The following EIPR1 variants were observed in gnomAD, a reference collection of about 807,000 sequenced individuals.
EIPR1 encodes the protein EARP and GARP complex-interacting protein 1.
In EIPR1, 25 loss-of-function variants were observed where a neutral mutation model predicts 48.1. That is an observed-to-expected ratio of 0.52 (90% confidence interval 0.38 to 0.73). The LOEUF is 0.73. Ranked by LOEUF, EIPR1 falls within the 30% of genes least tolerant of loss-of-function variation. The pLI is 0.00. For missense variants in EIPR1, 415 were observed against 506.2 expected (o/e 0.82, Z 1.73); for synonymous variants, 204 against 201.9 (o/e 1.01, Z -0.09).
At chr2:3,197,886 C>T (rs1664864315) in intron 5 of EIPR1, among the ~76,000 whole-genome samples, 1 of 152,210 alleles carries the variant, frequency 6.6e-6, no homozygotes, top group Non-Finnish European at 1.5e-5. Flanking sequence ...AGGCAGGTGG[C>T]TGGTGAGGCG....
In EIPR1 at chr2:3,203,532, G is replaced by A. The variant is rs1665120708; in HGVS notation, c.517-6515C>T. Among the ~76,000 whole-genome samples the A allele has an allele frequency of 3.3e-5, 5 of 152,260 alleles. 1 individual carries two copies. In the South Asian group the frequency reaches 1.0e-3, roughly 31 times the overall value. On this transcript the variant is annotated intron_variant, in intron 5 of 8. Transcript: ENST00000382125. ...AGTCGGACAGGAGAGCCCGCAGTCGGGGCGCCTCCTCCAGCTGGAGGGTAG... is the reference window on the plus strand; with the variant it reads ...AGTCGGACAGGAGAGCCCGCAGTCGAGGCGCCTCCTCCAGCTGGAGGGTAG...
intron 3 of EIPR1, among the ~76,000 whole-genome samples, chr2:3,309,393 A>G (rs1297320482): frequency 6.6e-6 from 1 of 152,230 alleles, no homozygotes; most frequent in African/African-American, 2.4e-5. Context: ...AGTATTAAAA[A>G]ACGTTCACAT....
chr2:3,203,778 T>C (rs911556871), intron 5 of EIPR1, among the ~76,000 whole-genome samples: 2 of 152,202 alleles, frequency 1.3e-5, no homozygotes, highest in African/African-American at 4.8e-5. Context: ...TTCATCTTGC[T>C]GGCTGGGATG....
chr2:3,216,855 T>C (rs892097951), intron 4 of EIPR1, among the ~76,000 whole-genome samples: 1 of 152,226 alleles, frequency 6.6e-6, no homozygotes, highest in African/African-American at 2.4e-5. Flanking sequence ...TATTTTAAAA[T>C]AAATTTAGTT....
chr2:3,241,116 T>C (rs1666605711), intron 4 of EIPR1, among the ~76,000 whole-genome samples: 1 of 148,858 alleles, frequency 6.7e-6, no homozygotes, highest in Non-Finnish European at 1.5e-5. Flanking sequence ...AGATCCTTCC[T>C]AAAGAAAAGC....
intron 3 of EIPR1, among the ~76,000 whole-genome samples, chr2:3,300,241 C>T (rs796870687): frequency 5.9e-5 from 9 of 152,354 alleles, no homozygotes; most frequent in African/African-American, 2.2e-4. Flanking sequence ...GATGTCAAAA[C>T]TCCAAAATTC....
intron 3 of EIPR1, among the ~76,000 whole-genome samples, chr2:3,260,056 C>T (rs774638012): frequency 1.3e-5 from 2 of 152,290 alleles, no homozygotes; most frequent in South Asian, 2.1e-4. Flanking sequence ...CTGGATCATA[C>T]AGAAAAAGAC....
intron 3 of EIPR1, among the ~76,000 whole-genome samples, chr2:3,284,466 T>C (rs1668116600): frequency 6.6e-6 from 1 of 152,232 alleles, no homozygotes; most frequent in South Asian, 2.1e-4. Flanking sequence ...CGGCTGCACA[T>C]AAGCTGGGCA....
chr2:3,269,596 C>A (rs112640996), intron 3 of EIPR1, among the ~76,000 whole-genome samples: 1,615 of 47,142 alleles, frequency 0.034, 176 homozygotes, highest in African/African-American at 0.1. Flanking sequence ...AATCATCGCA[C>A]TCAATCGCAC....
At chr2:3,362,499 T>C (rs542534047) in intron 1 of EIPR1, among the ~76,000 whole-genome samples, 87 of 152,142 alleles carry the variant, frequency 5.7e-4, no homozygotes, top group Non-Finnish European at 1.1e-3. Flanking sequence ...CAAAAGCTAC[T>C]TTATCAAGTC....
intron 4 of EIPR1, among the ~76,000 whole-genome samples, chr2:3,233,033 A>G (rs923152490): frequency 1.3e-5 from 2 of 152,192 alleles, no homozygotes; most frequent in African/African-American, 2.4e-5. Flanking sequence ...AAAAGTTTAA[A>G]ACTTTAGAAA....
At chr2:3,340,912 T>C (rs1249855680) in intron 2 of EIPR1, among the ~76,000 whole-genome samples, 7 of 151,588 alleles carry the variant, frequency 4.6e-5, no homozygotes, top group African/African-American at 1.7e-4. Flanking sequence ...GCCTGGACAA[T>C]ATGGTGAAAC....
chr2:3,203,023 A>G (rs1376337979), intron 5 of EIPR1, among the ~76,000 whole-genome samples: 2 of 152,166 alleles, frequency 1.3e-5, no homozygotes, highest in African/African-American at 4.8e-5. Context: ...AAAAGAAATC[A>G]CTCAACAAAT....
chr2:3,239,124 C>A (rs775631100), intron 4 of EIPR1, among the ~76,000 whole-genome samples: 3 of 152,180 alleles, frequency 2.0e-5, no homozygotes, highest in Non-Finnish European at 4.4e-5. Context: ...CACAGCAGAC[C>A]CCACCCGGCC....
chr2:3,245,024 C>T (rs1288835428), intron 4 of EIPR1, among the ~76,000 whole-genome samples: 4 of 152,072 alleles, frequency 2.6e-5, no homozygotes, highest in Non-Finnish European at 5.9e-5. Context: ...TATTATGACT[C>T]TTCCTAGAAT....
At chr2:3,199,339 T>A (rs1231560495) in intron 5 of EIPR1, among the ~76,000 whole-genome samples, 6 of 152,184 alleles carry the variant, frequency 3.9e-5, no homozygotes, top group African/African-American at 1.2e-4. Flanking sequence ...CACAGGGTCC[T>A]GAGGCAACAT....
intron 3 of EIPR1, among the ~76,000 whole-genome samples, chr2:3,299,958 T>C (rs535304430): frequency 1.3e-5 from 2 of 152,234 alleles, no homozygotes; most frequent in South Asian, 4.2e-4. Context: ...CACTATTTGG[T>C]CTCCAAGGTG....
chr2:3,317,512 C>T (rs1242245821), intron 3 of EIPR1, among the ~76,000 whole-genome samples: 2 of 152,250 alleles, frequency 1.3e-5, no homozygotes, highest in South Asian at 2.1e-4. Context: ...GTGCCGGGAG[C>T]GCATGAGGCG....
At chr2:3,375,213 C>T (rs1181602389) in intron 1 of EIPR1, among the ~76,000 whole-genome samples, 2 of 121,232 alleles carry the variant, frequency 1.6e-5, no homozygotes, top group African/African-American at 3.3e-5. Flanking sequence ...GGGAACATCA[C>T]ACTCTGGGGA....
Sources: allele counts gnomAD v4.1 joint callset (sites outside exome capture counted in the v4.1 genomes callset), GRCh38; gene constraint gnomAD v4.1.1; transcripts MANE v1.5; gene names NCBI Gene and HGNC (gene_info 2026-07-23, HGNC 2026-07-21).